The following NKAIN2 variants were observed in gnomAD, a reference collection of about 807,000 sequenced individuals.
NKAIN2 encodes the protein sodium/potassium-transporting ATPase subunit beta-1-interacting protein 2.
In NKAIN2, 14 loss-of-function variants were observed where a neutral mutation model predicts 32.6. That is an observed-to-expected ratio of 0.43 (90% CI 0.28 to 0.67). The LOEUF (loss-of-function observed/expected upper bound fraction) is 0.67. Among genes scored for constraint, NKAIN2 ranks in the 30% least tolerant of loss-of-function variants. The pLI, the probability that NKAIN2 is intolerant of heterozygous loss-of-function variation, is 0.17. For synonymous variants in NKAIN2, 80 were observed against 87.2 expected, an observed-to-expected ratio of 0.92 and a Z score of 0.46; for missense variants, 198 against 258.3, an observed-to-expected ratio of 0.77 and a Z score of 1.60.
chr6:124,445,686 G>A (rs1159803750), intron 3 of NKAIN2, among the ~76,000 whole-genome samples: 1 of 151,922 alleles, frequency 6.6e-6, no homozygotes, highest in Admixed American at 6.6e-5. Context: ...GCTGAAGGAA[G>A]CGTTGACTGA....
chr6:123,804,291 T>C, intron 1 of NKAIN2, 37 bp downstream of exon 1: 1 of 1,562,622 alleles, frequency 6.4e-7, no homozygotes, highest in African/African-American at 1.4e-5. Context: ...CTGTAATGTG[T>C]CTTTGAGATA....
chr6:124,243,950 C>G (rs1793250311), intron 1 of NKAIN2, among the ~76,000 whole-genome samples: 1 of 151,818 alleles, frequency 6.6e-6, no homozygotes, highest in Admixed American at 6.6e-5. Flanking sequence ...ATAATTTGAG[C>G]CTTTTGTTTA....
chr6:124,688,082 A>C (rs1414454270), intron 4 of NKAIN2, among the ~76,000 whole-genome samples: 1 of 152,016 alleles, frequency 6.6e-6, no homozygotes, highest in Admixed American at 6.6e-5. Flanking sequence ...TGGATAGAAA[A>C]CATTTCTAAT....
intron 1 of NKAIN2, among the ~76,000 whole-genome samples, chr6:123,847,516 A>G (rs533747631): frequency 1.3e-5 from 2 of 152,266 alleles, no homozygotes; most frequent in South Asian, 4.1e-4. Context: ...GAAATGGAAG[A>G]TGGATGTCTT....
intron 1 of NKAIN2, among the ~76,000 whole-genome samples, chr6:124,029,925 A>C (rs1781332319): frequency 6.6e-6 from 1 of 152,022 alleles, no homozygotes; most frequent in Admixed American, 6.6e-5. Flanking sequence ...TGCTCCTTAT[A>C]AGAATCTAAT....
At chr6:123,998,049 T>C (rs1779703995) in intron 1 of NKAIN2, among the ~76,000 whole-genome samples, 1 of 152,144 alleles carries the variant, frequency 6.6e-6, no homozygotes, top group African/African-American at 2.4e-5. Context: ...GTTTCTGGGG[T>C]TGGGATTAAG....
intron 1 of NKAIN2, among the ~76,000 whole-genome samples, chr6:124,206,920 A>C (rs1050737679): frequency 6.6e-6 from 1 of 151,806 alleles, no homozygotes; most frequent in Non-Finnish European, 1.5e-5. Flanking sequence ...ATACGGGATT[A>C]ACATCTCATA....
rs143525421 is a variant in NKAIN2 at position 123,891,341 on chromosome 6, C to T, written c.54+87087C>T. Among the ~76,000 whole-genome samples, 1,164 of 152,210 alleles carry T rather than the reference C, an allele frequency of 7.6e-3. 16 individuals are homozygous for T. Among genetic ancestry groups the T allele is most frequent in the African/African-American group, 0.027 (1,103 of 41,532 alleles). ...TAAATGGTTAAGATGGTATATCTTA[C>T]GTCTATTTTACCACACACAAAAAGC... On this transcript the variant is annotated intron_variant, in intron 1 of 6. Coordinates refer to ENST00000368417, the MANE Select transcript of NKAIN2 (RefSeq NM_001040214.3).
rs190054837 is a variant in NKAIN2, at chr6:123,964,589, G to T, written c.54+160335G>T. Among the ~76,000 whole-genome samples the T allele has an allele frequency of 6.6e-6, 1 of 152,152 alleles. No homozygotes were observed. The highest frequency in any genetic ancestry group is 1.5e-5 in the Non-Finnish European group (1 of 68,036). On this transcript the variant is annotated intron_variant, in intron 1 of 6. Transcript: ENST00000368417. This position sits in a 1 kb window ranked among gnomAD's most constrained non-coding sequence, Gnocchi z 4.0. ...AAGGACTTGGGGATATAGAAAGGGC[G>T]TATGTAAGAGTTCTAAAAATTATTA...
chr6:124,512,694 G>A (rs1778759568), intron 3 of NKAIN2, among the ~76,000 whole-genome samples: 2 of 152,108 alleles, frequency 1.3e-5, no homozygotes, highest in African/African-American at 2.4e-5. Context: ...ACCACCACCT[G>A]TACCCAGACC....
At position 123,903,890 on chromosome 6, in the gene NKAIN2, C is replaced by T. The variant is rs537098286; in HGVS notation, c.54+99636C>T. ...GTTTTTACCATTGAACTGTACAAAG[C>T]TCTTCCAGTCTATTATACGCATTTT... On this transcript the variant is annotated intron_variant, in intron 1 of 6. Transcript: ENST00000368417. 3.3e-5 allele frequency among the ~76,000 whole-genome samples: 5 copies of T among 151,598 alleles called. No individual in the cohort carries two copies. In the East Asian group the frequency reaches 7.7e-4, roughly 23 times the overall value.
intron 1 of NKAIN2, among the ~76,000 whole-genome samples, chr6:124,012,918 C>T (rs954630738): frequency 6.6e-6 from 1 of 152,012 alleles, no homozygotes; most frequent in African/African-American, 2.4e-5. Flanking sequence ...GACTGTTTTT[C>T]AAAACAGTTG....
chr6:124,586,447 T>C (rs987395927), intron 3 of NKAIN2, among the ~76,000 whole-genome samples: 1 of 152,030 alleles, frequency 6.6e-6, no homozygotes, highest in Non-Finnish European at 1.5e-5. Context: ...CTTGAGGGCG[T>C]AGGCTGGAAG....
intron 1 of NKAIN2, among the ~76,000 whole-genome samples, chr6:123,975,280 C>G (rs1211188191): frequency 1.3e-5 from 2 of 152,042 alleles, no homozygotes; most frequent in Non-Finnish European, 1.5e-5. Context: ...TCAGGAAATT[C>G]TCAATTTTTA....
At chr6:124,614,349 G>T (rs1353086812) in intron 3 of NKAIN2, among the ~76,000 whole-genome samples, 1 of 152,060 alleles carries the variant, frequency 6.6e-6, no homozygotes, top group Admixed American at 6.6e-5. Context: ...AGGCGAGATG[G>T]TGCCACTGCA....
At chr6:124,759,657 C>CA (rs1562367850) in intron 4 of NKAIN2, among the ~76,000 whole-genome samples, 3,156 of 75,298 alleles carry the variant, frequency 0.042, 542 homozygotes, top group East Asian at 0.084. Flanking sequence ...ACACACACAC[C>CA]CCCTATCTCC....
At chr6:124,179,086 C>T (rs902704532) in intron 1 of NKAIN2, among the ~76,000 whole-genome samples, 99 of 152,100 alleles carry the variant, frequency 6.5e-4, no homozygotes, top group African/African-American at 2.2e-3. Flanking sequence ...TGTTAGCTTG[C>T]AAATATAAAG....
intron 1 of NKAIN2, among the ~76,000 whole-genome samples, chr6:124,032,729 T>G (rs1781457544): frequency 6.6e-6 from 1 of 152,024 alleles, no homozygotes; most frequent in South Asian, 2.1e-4. Flanking sequence ...CATTATTTTA[T>G]TTTTTTCCAA....
intron 2 of NKAIN2, among the ~76,000 whole-genome samples, chr6:124,285,820 A>G (rs1361621773): frequency 6.6e-6 from 1 of 152,188 alleles, no homozygotes; most frequent in Non-Finnish European, 1.5e-5. Flanking sequence ...TGATTAACAC[A>G]TATTTAATAT....
Sources: gnomAD v4.1 joint callset for allele counts (sites outside exome capture counted in the v4.1 genomes callset) on GRCh38, gnomAD v4.1.1 for gene constraint, Gnocchi (gnomAD v3.1) non-coding constraint, MANE v1.5 for transcripts, NCBI Gene and HGNC (gene_info 2026-07-23, HGNC 2026-07-21) for gene names.